Variants in BICDL1 observed in about 807,000 individuals in gnomAD.
The protein encoded by BICDL1 is BICD family-like cargo adapter 1.
A neutral mutation model predicts 76.8 loss-of-function variants in BICDL1; 20 were observed. That is an observed-to-expected ratio of 0.26 (90% CI 0.18 to 0.38). The LOEUF (loss-of-function observed/expected upper bound fraction) is 0.38, where lower values mean the gene tolerates loss of function less well. BICDL1 is among the 10% of genes least tolerant of loss of function. The probability of loss-of-function intolerance (pLI) is 1.00; values close to 1 mark genes in which losing one functional copy is unlikely to be tolerated. For missense variants in BICDL1, 700 were observed against 798.6 expected (o/e 0.88, Z 1.49); for synonymous variants, 383 against 337.1 (o/e 1.14, Z -1.49).
Position 120,093,281 on chromosome 12 carries a change from C to T in BICDL1, c.*120C>T. ...CTGCCCTGCCCCTCATGCTAGGGCC[C>T]CATGGGTCCGGGAGGGCCTGCTCCC... On this transcript the variant is annotated 3_prime_UTR_variant, in exon 10 of 10. Transcript: ENST00000548673. The T allele has an allele frequency of 8.3e-7, 1 of 1,211,228 alleles. No individual in the cohort carries two copies. Among genetic ancestry groups the T allele is most frequent in the South Asian group, 1.4e-5 (1 of 72,188 alleles). The allele number at this position is 1,211,228 out of a possible 1,614,324, so 75.0% of individuals were successfully genotyped here. A position where few individuals can be genotyped will look rare whatever the true frequency, so the allele number is the denominator to read the frequency against.
At chr12:120,040,260 G>A (rs1199405049) in intron 2 of BICDL1, among the ~76,000 whole-genome samples, 3 of 151,728 alleles carry the variant, frequency 2.0e-5, no homozygotes, top group Non-Finnish European at 4.4e-5. Flanking sequence ...CACCATGCCC[G>A]GCTAATTTTT....
intron 2 of BICDL1, among the ~76,000 whole-genome samples, chr12:120,049,511 T>A (rs1952812419): frequency 6.6e-6 from 1 of 152,240 alleles, no homozygotes; most frequent in South Asian, 2.1e-4. Flanking sequence ...TTTTATCTTC[T>A]TTTTCAGATT....
chr12:120,041,027 A>G (rs1594155029), intron 2 of BICDL1, among the ~76,000 whole-genome samples: 1 of 152,172 alleles, frequency 6.6e-6, no homozygotes, highest in Non-Finnish European at 1.5e-5. Context: ...GATTACAGGT[A>G]TGAGCCACTG....
At chr12:120,000,773 C>T (rs955626431) in intron 2 of BICDL1, among the ~76,000 whole-genome samples, 1 of 152,084 alleles carries the variant, frequency 6.6e-6, no homozygotes, top group African/African-American at 2.4e-5. Context: ...AACTGGGGGA[C>T]CTTGTTTGTG....
In BICDL1 at chr12:120,093,841, T is replaced by C. The variant is rs1242700575; in HGVS notation, c.*680T>C. 2.5e-5 allele frequency: 5 copies of C among 201,172 alleles called. No individual in the cohort carries two copies. The highest frequency in any genetic ancestry group is 5.2e-5 in the Non-Finnish European group (5 of 96,392). The allele number at this position is 201,172 out of a possible 1,614,324, so 12.5% of individuals were successfully genotyped here. On this transcript the variant is annotated 3_prime_UTR_variant, in exon 10 of 10. Coordinates refer to ENST00000548673, the MANE Select transcript of BICDL1 (RefSeq NM_001367886.1). ...CACTGCTCTCCCTCCCAGCCTTCAGTCTCTGCCCCTTAGCAGGGCCTGGCC... is the reference window on the plus strand; with the variant it reads ...CACTGCTCTCCCTCCCAGCCTTCAGCCTCTGCCCCTTAGCAGGGCCTGGCC...
At chr12:120,014,095 A>T (rs1952013059) in intron 2 of BICDL1, among the ~76,000 whole-genome samples, 1 of 152,234 alleles carries the variant, frequency 6.6e-6, no homozygotes, top group African/African-American at 2.4e-5. Flanking sequence ...AAATCTTTGA[A>T]AAACAAGGTG....
At chr12:120,091,468 G>C (rs775724490) in intron 9 of BICDL1, 59 of 998,884 alleles carry the variant, frequency 5.9e-5, no homozygotes, top group Non-Finnish European at 6.8e-5. Flanking sequence ...TGAGCACGTC[G>C]TAAGTGCAGG....
At chr12:120,026,053 G>A (rs1952293959) in intron 2 of BICDL1, among the ~76,000 whole-genome samples, 1 of 151,994 alleles carries the variant, frequency 6.6e-6, no homozygotes, top group South Asian at 2.1e-4. Context: ...GGCCAGGCTG[G>A]TCTCGAACTC....
intron 2 of BICDL1, among the ~76,000 whole-genome samples, chr12:120,008,922 T>A (rs1169367785): frequency 6.6e-6 from 1 of 151,954 alleles, no homozygotes; most frequent in African/African-American, 2.4e-5. Flanking sequence ...GGGTGGTAAT[T>A]GCTTATTCTT....
intron 4 of BICDL1, among the ~76,000 whole-genome samples, chr12:120,067,289 G>A (rs1329773121): frequency 6.6e-6 from 1 of 152,240 alleles, no homozygotes; most frequent in Admixed American, 6.5e-5. Flanking sequence ...CACAGGCCCT[G>A]CTCACTGTGG....
chr12:120,093,341 G>A lies in BICDL1; in HGVS notation c.*180G>A. Reference sequence around the variant, plus strand: ...TGGGGATGGAGACCTAGAGGTGGGGGCCTGCCTTGGCCACTGAAGGCTTCC... The same window carrying A: ...TGGGGATGGAGACCTAGAGGTGGGGACCTGCCTTGGCCACTGAAGGCTTCC... On this transcript the variant is annotated 3_prime_UTR_variant, in exon 10 of 10. Transcript: ENST00000548673. 2.8e-6 allele frequency: 2 copies of A among 704,654 alleles called. No homozygotes were observed. The highest frequency in any genetic ancestry group is 4.6e-6 in the Non-Finnish European group (2 of 437,452). The allele number at this position is 704,654 out of a possible 1,614,324, so 43.7% of individuals were successfully genotyped here. A position where few individuals can be genotyped will look rare whatever the true frequency, so the allele number is the denominator to read the frequency against.
chr12:120,087,903 T>C (rs1242704889), intron 8 of BICDL1, among the ~76,000 whole-genome samples: 1 of 152,260 alleles, frequency 6.6e-6, no homozygotes, highest in East Asian at 1.9e-4. Flanking sequence ...CTAGACATTT[T>C]TGTGCATATC....
At chr12:120,062,353 C>T (rs1445080048) in intron 3 of BICDL1, among the ~76,000 whole-genome samples, 1 of 152,074 alleles carries the variant, frequency 6.6e-6, no homozygotes, top group Non-Finnish European at 1.5e-5. Context: ...AAAGTATCGG[C>T]AGGGGAACAA....
intron 2 of BICDL1, among the ~76,000 whole-genome samples, chr12:120,012,058 A>G (rs939408772): frequency 6.6e-6 from 1 of 152,200 alleles, no homozygotes; most frequent in Non-Finnish European, 1.5e-5. Context: ...GTGGTATATC[A>G]TGTCTGGTAA....
Position 120,074,540 on chromosome 12 carries a change from G to A in BICDL1, c.1406G>A (p.Gly469Asp), listed in dbSNP as rs751677104. The A allele has an allele frequency of 7.8e-7, 1 of 1,274,778 alleles. No homozygotes were observed. Among genetic ancestry groups the A allele is most frequent in the Non-Finnish European group, 1.0e-6 (1 of 981,258 alleles). 79.0% of individuals were successfully genotyped at this position (1,274,778 alleles called of 1,614,324 possible). The change falls in exon 7 of 10, where the codon GGT becomes GAT. Residue 469 changes from glycine (G) to aspartate (D), a missense_variant. Physicochemically the swap from Gly to Asp is moderately conservative, Grantham distance 94. This residue lies in a region of BICDL1 where 455 missense variants were observed against 548.7 expected (regional missense o/e 0.83). Transcript: ENST00000548673. Reference protein sequence around the residue: ...ALRELMEGERGKLRQSLEELQ... With the variant: ...ALRELMEGERDKLRQSLEELQ... ...AGGGAGCTCATGGAGGGAGAGAGGG[G>A]TAAACTGAGGCAAAGCCTAGAAGAG... is the stretch of plus-strand genomic sequence containing the variant.
intron 2 of BICDL1, among the ~76,000 whole-genome samples, chr12:120,015,485 C>G (rs747472918): frequency 7.2e-5 from 11 of 152,176 alleles, no homozygotes; most frequent in Non-Finnish European, 1.5e-4. Context: ...CAGCTTTGAT[C>G]TCTCCTACTT....
chr12:120,046,514 A>G (rs1952753075), intron 2 of BICDL1, among the ~76,000 whole-genome samples: 1 of 152,242 alleles, frequency 6.6e-6, no homozygotes, highest in Non-Finnish European at 1.5e-5. Context: ...TGAGGTAGGT[A>G]CTACTTTCTC....
At chr12:120,012,121 C>G (rs1322352094) in intron 2 of BICDL1, among the ~76,000 whole-genome samples, 1 of 152,112 alleles carries the variant, frequency 6.6e-6, no homozygotes, top group Non-Finnish European at 1.5e-5. Flanking sequence ...TTCTCTGGGA[C>G]CGAGGGCGGC....
intron 1 of BICDL1, chr12:119,993,109 A>AC (rs572337409): frequency 0.065 from 9,246 of 142,656 alleles, 370 homozygotes; most frequent in Middle Eastern, 0.14. Flanking sequence ...GCCCGCCACC[A>AC]CGCCTGGCTA....
Sources: gnomAD v4.1 joint callset for allele counts (sites outside exome capture counted in the v4.1 genomes callset) on GRCh38, gnomAD v4.1.1 for gene constraint, gnomAD v4.1.1 regional missense constraint, MANE v1.5 for transcripts, NCBI Gene and HGNC (gene_info 2026-07-23, HGNC 2026-07-21) for gene names.